The following MGLL variants were observed in gnomAD, a reference collection of about 807,000 sequenced individuals.
MGLL encodes the protein monoglyceride lipase, also known as lysophospholipase homolog.
In MGLL, 7 loss-of-function variants were observed where a neutral mutation model predicts 29.1. The observed-to-expected ratio is 0.24, with a 90% confidence interval of 0.14 to 0.45. The LOEUF is 0.45. Among genes scored for constraint, MGLL ranks in the 20% least tolerant of loss-of-function variants. The pLI is 0.99. For synonymous variants in MGLL, 148 were observed against 168.3 expected (o/e 0.88, Z 0.93); for missense variants, 356 against 413.6 (o/e 0.86, Z 1.21).
At chr3:127,762,200 G>T (rs2076777507) in intron 3 of MGLL, among the ~76,000 whole-genome samples, 2 of 152,202 alleles carry the variant, frequency 1.3e-5, no homozygotes, top group South Asian at 4.1e-4. Context: ...CCGGCATGCG[G>T]TTCTCTTTTC....
Position 127,769,833 on chromosome 3 carries a change from C to T in MGLL, c.262+11956G>A, listed in dbSNP as rs146518808. 6.6e-3 allele frequency among the ~76,000 whole-genome samples: 1,002 copies of T among 152,278 alleles called. 11 individuals are homozygous for T. Among genetic ancestry groups the T allele is most frequent in the African/African-American group, 0.021 (860 of 41,546 alleles). ...CCTCCACCCCACAACACCCCACCCC[C>T]GAAGCCCCGTCAGAGTGCTGGGGGG... On this transcript the variant is annotated intron_variant, in intron 3 of 7. Transcript: ENST00000265052.
At chr3:127,807,735 C>T (rs1245288173) in intron 2 of MGLL, among the ~76,000 whole-genome samples, 3 of 138,720 alleles carry the variant, frequency 2.2e-5, no homozygotes, top group African/African-American at 8.0e-5. Flanking sequence ...CTAATTTAGA[C>T]ATGCTGTGAA....
chr3:127,715,707 G>A (rs2075800369), intron 5 of MGLL: 1 of 456,626 alleles, frequency 2.2e-6, no homozygotes, highest in African/African-American at 2.0e-5. Flanking sequence ...CGAGGAAGCA[G>A]TGGGGAAGGA....
rs2076773315 is a variant in MGLL at position 127,761,998 on chromosome 3, G to A, written c.262+19791C>T. Among the ~76,000 whole-genome samples the A allele has an allele frequency of 2.0e-5, 3 of 152,030 alleles. No homozygotes were observed. Among genetic ancestry groups the A allele is most frequent in the Non-Finnish European group, 2.9e-5 (2 of 68,024 alleles). On this transcript the variant is annotated intron_variant, in intron 3 of 7. Transcript: ENST00000265052. The surrounding 1 kb of genome is among the most constrained non-coding windows in gnomAD (Gnocchi z 4.6). ...CACAGCTTAATAGATCTGTGATTTG[G>A]AATTCTGATCCTGGCTCTACCACTC...
chr3:127,719,304 G>A (rs1367309839), intron 5 of MGLL, among the ~76,000 whole-genome samples: 1 of 152,212 alleles, frequency 6.6e-6, no homozygotes, highest in African/African-American at 2.4e-5. Context: ...TGGCTTTTCT[G>A]TAAGGGAAAA....
Position 127,691,245 on chromosome 3 carries a change from G to C in MGLL, c.*953C>G, listed in dbSNP as rs1576460462. The C allele has an allele frequency of 6.6e-6, 1 of 152,658 alleles. No homozygotes were observed. The highest frequency in any genetic ancestry group is 1.5e-5 in the Non-Finnish European group (1 of 68,140). The allele number at this position is 152,658 out of a possible 1,614,324, so 9.5% of individuals were successfully genotyped here. On this transcript the variant is annotated 3_prime_UTR_variant, in exon 8 of 8. Coordinates refer to ENST00000265052, the MANE Select transcript of MGLL (RefSeq NM_007283.7). ...TCGGGGGCTGCTGGCTTAGCTCCTA[G>C]AGCACAGAGCCCTCTGGCCCCACCA...
At chr3:127,790,040 T>TGGTAA (rs2077274567) in intron 2 of MGLL, among the ~76,000 whole-genome samples, 1 of 152,204 alleles carries the variant, frequency 6.6e-6, no homozygotes, top group African/African-American at 2.4e-5. Context: ...CCCTGATTAG[T>TGGTAA]AGTAAGTGTG....
intron 6 of MGLL, among the ~76,000 whole-genome samples, chr3:127,710,291 T>G (rs1279239628): frequency 6.6e-6 from 1 of 152,198 alleles, no homozygotes; most frequent in African/African-American, 2.4e-5. Flanking sequence ...TAAATCACTT[T>G]GATGTAGGTT....
At chr3:127,816,919 A>G (rs2077767240) in intron 2 of MGLL, among the ~76,000 whole-genome samples, 1 of 152,230 alleles carries the variant, frequency 6.6e-6, no homozygotes, top group Non-Finnish European at 1.5e-5. Flanking sequence ...CTCCCTTGCT[A>G]GTCCATCCAC....
intron 3 of MGLL, among the ~76,000 whole-genome samples, chr3:127,751,892 C>T (rs7637817): frequency 0.043 from 6,622 of 152,266 alleles, 455 homozygotes; most frequent in African/African-American, 0.15. Flanking sequence ...TCACAGTGGG[C>T]CTTTCAGAGG....
At chr3:127,774,501 G>T (rs2076999809) in intron 3 of MGLL, among the ~76,000 whole-genome samples, 1 of 152,086 alleles carries the variant, frequency 6.6e-6, no homozygotes, top group South Asian at 2.1e-4. Context: ...GAAGGAAGAA[G>T]AGTTCCTTCA....
intron 6 of MGLL, among the ~76,000 whole-genome samples, chr3:127,707,735 T>C (rs2075630098): frequency 6.6e-6 from 1 of 152,198 alleles, no homozygotes; most frequent in Non-Finnish European, 1.5e-5. Context: ...TCATTGTGCA[T>C]TGGGTAGTGT....
intron 2 of MGLL, among the ~76,000 whole-genome samples, chr3:127,799,168 C>T (rs1176015028): frequency 3.3e-5 from 5 of 152,180 alleles, no homozygotes; most frequent in Admixed American, 6.5e-5. Flanking sequence ...AGGACACTCA[C>T]GGCTGTGGAG....
At chr3:127,751,530 C>T (rs2107669995) in intron 3 of MGLL, among the ~76,000 whole-genome samples, 1 of 152,092 alleles carries the variant, frequency 6.6e-6, no homozygotes. Context: ...TTCCCAGACA[C>T]AGCTGCCATG....
At chr3:127,703,312 A>G (rs1372324416) in intron 6 of MGLL, among the ~76,000 whole-genome samples, 1 of 152,250 alleles carries the variant, frequency 6.6e-6, no homozygotes, top group Non-Finnish European at 1.5e-5. Flanking sequence ...ATAATAAGAG[A>G]AACAAGAAAG....
intron 5 of MGLL, chr3:127,715,618 A>G: frequency 2.2e-6 from 1 of 453,348 alleles, no homozygotes; most frequent in South Asian, 1.6e-5. Context: ...GGGAGGAGAA[A>G]GAGCTAAGCA....
At chr3:127,794,592 G>T (rs142227942) in intron 2 of MGLL, among the ~76,000 whole-genome samples, 1 of 152,058 alleles carries the variant, frequency 6.6e-6, no homozygotes, top group East Asian at 1.9e-4. Context: ...ATGTCAGACC[G>T]TCTTCTGTGA....
intron 3 of MGLL, among the ~76,000 whole-genome samples, chr3:127,754,926 G>A (rs1384612305): frequency 2.6e-5 from 4 of 152,182 alleles, no homozygotes; most frequent in South Asian, 2.1e-4. Flanking sequence ...CCCTAGGTAC[G>A]TGGCATTCCC....
At chr3:127,796,196 A>G (rs541856441) in intron 2 of MGLL, among the ~76,000 whole-genome samples, 1 of 152,202 alleles carries the variant, frequency 6.6e-6, no homozygotes, top group Non-Finnish European at 1.5e-5. Context: ...CCTGAACTCA[A>G]AGCAGATATT....
Sources: allele counts gnomAD v4.1 joint callset (sites outside exome capture counted in the v4.1 genomes callset), GRCh38; gene constraint gnomAD v4.1.1; non-coding constraint Gnocchi (gnomAD v3.1); transcripts MANE v1.5; gene names NCBI Gene and HGNC (gene_info 2026-07-23, HGNC 2026-07-21).